The following ARMC5 variants were observed in gnomAD, a reference collection of about 807,000 sequenced individuals.
ARMC5 encodes the protein armadillo repeat-containing protein 5.
Under a neutral mutation model 60.5 loss-of-function variants are expected in ARMC5, and 28 were observed. That is an observed-to-expected ratio of 0.46 (90% CI 0.34 to 0.63). ARMC5 has a LOEUF of 0.63. Among genes scored for constraint, ARMC5 ranks in the 30% least tolerant of loss-of-function variants. The pLI is 0.01. For synonymous variants in ARMC5, 680 were observed against 607.3 expected, an observed-to-expected ratio of 1.12 and a Z score of -1.76; for missense variants, 1,189 against 1,304.9, an observed-to-expected ratio of 0.91 and a Z score of 1.37.
intron 4 of ARMC5, chr16:31,465,562 T>C: frequency 1.7e-6 from 2 of 1,148,738 alleles, no homozygotes; most frequent in Non-Finnish European, 2.3e-6. Flanking sequence ...TCTTGTTTTA[T>C]ATTGTATTAT....
At chr16:31,461,782 A>T in intron 1 of ARMC5, 140 bp from the exon 2 acceptor site, 1 of 713,692 alleles carries the variant, frequency 1.4e-6, no homozygotes, top group Non-Finnish European at 2.4e-6. Flanking sequence ...TGCTAGGATT[A>T]CAGGCTTGAG....
At chr16:31,459,207 G>C (rs1004503410), upstream of ARMC5, 36 of 1,531,444 alleles carry the variant, frequency 2.4e-5, no homozygotes, top group Non-Finnish European at 4.4e-6. Flanking sequence ...CTTCTGGGCT[G>C]TTCGGAGGCC....
Position 31,462,446 on chromosome 16 carries a change from G to A in ARMC5, c.899G>A (p.Gly300Glu), listed in dbSNP as rs1259557673. ...CACCCCAAGCGGGCAGTACGCGAGG[G>A]AACCATTCTGATCCTCGCCAACCTG... Reference protein sequence around the residue: ...ASHPKRAVREGTILILANLCA... With the variant: ...ASHPKRAVREETILILANLCA... The change falls in exon 3 of 6, where the codon GGA (glycine) becomes GAA (glutamate). Residue 300 changes from glycine to glutamate, a missense_variant. Around this residue, in one of 2 missense-constraint regions of ARMC5, gnomAD observed 862 missense variants for 1,071.2 expected, o/e 0.80. Transcript: ENST00000268314. The surrounding 1 kb of genome is among the most constrained non-coding windows in gnomAD (Gnocchi z 7.2). 3.1e-6 allele frequency: 5 copies of A among 1,612,684 alleles called. No individual in the cohort carries two copies. The highest frequency in any genetic ancestry group is 4.2e-6 in the Non-Finnish European group (5 of 1,179,638).
chr16:31,459,235 C>A, upstream of ARMC5: 2 of 1,532,592 alleles, frequency 1.3e-6, no homozygotes, highest in South Asian at 1.2e-5. Flanking sequence ...ACCTGGAGGG[C>A]CCTGGAAGAG....
In ARMC5 at chr16:31,465,892, C is replaced by T. The variant is rs1357030097; in HGVS notation, c.1907C>T (p.Pro636Leu). The part of the protein sequence containing the change: ...LQNLTVQAES[P>L]FGVGALTHLL... ...AACCTGACGGTTCAGGCTGAGTCGCCCTTTGGGGTTGGGGCCCTGACGCAC... is the reference window on the plus strand; with the variant it reads ...AACCTGACGGTTCAGGCTGAGTCGCTCTTTGGGGTTGGGGCCCTGACGCAC... Residue 636 changes from proline to leucine, a missense_variant, in exon 5 of 6, where the codon CCC becomes CTC. Physicochemically the swap from Pro to Leu is moderately conservative, Grantham distance 98. Coordinates refer to ENST00000268314, the MANE Select transcript of ARMC5 (RefSeq NM_001105247.2). The T allele has an allele frequency of 6.2e-7, 1 of 1,609,456 alleles. No homozygotes were observed. The highest frequency in any genetic ancestry group is 1.3e-5 in the African/African-American group (1 of 74,930).
In ARMC5 at chr16:31,464,702, G is replaced by A. The variant is rs1190527038; in HGVS notation, c.1679G>A (p.Gly560Asp). 12 of 1,598,586 alleles carry A rather than the reference G, an allele frequency of 7.5e-6. No individual in the cohort carries two copies. Among genetic ancestry groups the A allele is most frequent in the Non-Finnish European group, 1.0e-5 (12 of 1,179,114 alleles). Residue 560 changes from glycine to aspartate, a missense_variant, in exon 4 of 6, where the codon GGC becomes GAC. Coordinates refer to ENST00000268314, the MANE Select transcript of ARMC5 (RefSeq NM_001105247.2). The surrounding 1 kb of genome is among the most constrained non-coding windows in gnomAD (Gnocchi z 7.6). ...CTGACCTATGTGACCGGCGCACCGG[G>A]CCCGCCCAGCCCACGTGCACTGCGC... ...GLLTYVTGAP[G>D]PPSPRALRIL...
upstream of ARMC5, chr16:31,458,970 G>T (rs1227028807): frequency 6.5e-7 from 1 of 1,535,602 alleles, no homozygotes; most frequent in East Asian, 2.4e-5. Flanking sequence ...GGCAGCGAAC[G>T]TTCTCGGTAG....
chr16:31,459,729 C>A lies in ARMC5; in HGVS notation c.205C>A (p.Pro69Thr). Reference sequence around the variant, plus strand: ...CTTCCGGGCACGCGGCGGGCTCCGCCCCCTACTCGCGCTGCTACGGCGAGC... The same window carrying A: ...CTTCCGGGCACGCGGCGGGCTCCGCACCCTACTCGCGCTGCTACGGCGAGC... ...ERFRARGGLRPLLALLRRAAA... is the reference protein window; with the variant it reads ...ERFRARGGLRTLLALLRRAAA... The change falls in exon 1 of 6, where the codon CCC (proline) becomes ACC (threonine). Residue 69 changes from proline (P) to threonine (T), a missense_variant. By Grantham distance (38) the Pro-to-Thr change is conservative. This residue lies in a region of ARMC5 where 327 missense variants were observed against 233.7 expected (regional missense o/e 1.40). Coordinates refer to ENST00000268314, the MANE Select transcript of ARMC5 (RefSeq NM_001105247.2). 1 of 1,554,678 alleles carries A rather than the reference C, an allele frequency of 6.4e-7. No individual in the cohort carries two copies. Among genetic ancestry groups the A allele is most frequent in the South Asian group, 1.2e-5 (1 of 85,196 alleles).
rs753871015 is a variant in ARMC5, at chr16:31,465,965, C to G, written c.1980C>G (p.Thr660=). ...SPEDRVACAL[T]LPFICRKPSL... is the part of the protein sequence containing the mutation. ...AGGACCGAGTGGCCTGCGCGCTGAC[C>G]CTGCCCTTCATCTGCCGGTGAGTGG... Residue 660 remains threonine (T), a synonymous_variant, in exon 5 of 6, where the codon ACC becomes ACG. Transcript: ENST00000268314. 1.2e-6 allele frequency: 2 copies of G among 1,604,208 alleles called. No individual in the cohort carries two copies. Among genetic ancestry groups the G allele is most frequent in the South Asian group, 2.2e-5 (2 of 91,048 alleles).
chr16:31,459,831 C>CCCGCCCCCGCGTCGGGCCCCG lies in ARMC5; in HGVS notation c.310_330dup (p.Ala104_Ala110dup). 2 of 1,562,140 alleles carry CCCGCCCCCGCGTCGGGCCCCG rather than the reference C, an allele frequency of 1.3e-6. No homozygotes were observed. Among genetic ancestry groups the CCCGCCCCCGCGTCGGGCCCCG allele is most frequent in the Non-Finnish European group, 1.7e-6 (2 of 1,160,406 alleles). The stretch of plus-strand genomic sequence containing the variant: ...GTCGGCCGCGTCGGGAGCTTCTAGC[C>CCCGCCCCCGCGTCGGGCCCCG]CCGCCCCCGCGTCGGGCCCCGCCCC... On this transcript the variant is annotated inframe_insertion, in exon 1 of 6. Transcript: ENST00000268314.
chr16:31,464,794 C>A lies in ARMC5; in HGVS notation c.1771C>A (p.Leu591Met). 1 of 1,598,548 alleles carries A rather than the reference C, an allele frequency of 6.3e-7. No individual in the cohort carries two copies. Among genetic ancestry groups the A allele is most frequent in the Non-Finnish European group, 8.5e-7 (1 of 1,178,876 alleles). ...CTTCGTGCGCAGCTATGGCGCGGCG[C>A]TGCTGCGGGCCTGGCTGGTGCTGGG... ...EAFVRSYGAA[L>M]LRAWLVLGVA... is the part of the protein sequence containing the mutation. Residue 591 changes from leucine (L) to methionine (M), a missense_variant, in exon 4 of 6, where the codon CTG (leucine) becomes ATG (methionine). This residue lies in a region of ARMC5 where 862 missense variants were observed against 1,071.2 expected (regional missense o/e 0.80). Coordinates refer to ENST00000268314, the MANE Select transcript of ARMC5 (RefSeq NM_001105247.2). The surrounding 1 kb of genome is among the most constrained non-coding windows in gnomAD (Gnocchi z 7.6).
upstream of ARMC5, chr16:31,458,885 G>C: frequency 2.6e-6 from 4 of 1,535,676 alleles, no homozygotes; most frequent in East Asian, 2.4e-5. Flanking sequence ...AGCACGTCCA[G>C]AGCGGAGGAC....
intron 4 of ARMC5, chr16:31,465,331 C>A: frequency 1.4e-6 from 2 of 1,417,054 alleles, no homozygotes; most frequent in African/African-American, 1.4e-5. Context: ...ACCAAGGAGC[C>A]CTTCTGCTGG....
Position 31,466,950 on chromosome 16 carries a change from G to A in ARMC5, c.*61G>A. On this transcript the variant is annotated 3_prime_UTR_variant, in exon 6 of 6. Transcript: ENST00000268314. The surrounding 1 kb of genome is among the most constrained non-coding windows in gnomAD (Gnocchi z 8.0). The stretch of plus-strand genomic sequence containing the variant: ...GAATTGGCTGTGAAGGATCCTCCCT[G>A]AGACTGGCAAGGGAGGAGGCTGAGC... The A allele has an allele frequency of 6.9e-7, 1 of 1,443,550 alleles. No homozygotes were observed. Among genetic ancestry groups the A allele is most frequent in the South Asian group, 1.5e-5 (1 of 67,124 alleles). The allele number at this position is 1,443,550 out of a possible 1,614,324, so 89.4% of individuals were successfully genotyped here. A position where few individuals can be genotyped will look rare whatever the true frequency, so the allele number is the denominator to read the frequency against.
rs2082328656 is a variant in ARMC5 at position 31,464,176 on chromosome 16, G to A, written c.1371-218G>A. ...TGTGGTGCACACAGCTGTAGTGCCA[G>A]CTACTTGGGAGGCTGAGGTGGGAGG... On this transcript the variant is annotated intron_variant, in intron 3 of 5. Transcript: ENST00000268314. The surrounding 1 kb of genome is among the most constrained non-coding windows in gnomAD (Gnocchi z 7.6). Among the ~76,000 whole-genome samples, 1 of 151,800 alleles carries A rather than the reference G, an allele frequency of 6.6e-6. No homozygotes were observed. The highest frequency in any genetic ancestry group is 1.5e-5 in the Non-Finnish European group (1 of 67,982).
upstream of ARMC5, chr16:31,458,356 G>C (rs1263486356): frequency 1.3e-5 from 20 of 1,519,864 alleles, no homozygotes; most frequent in Non-Finnish European, 1.7e-5. Context: ...AGCTGACGCT[G>C]AAAGTCTTAC....
In ARMC5 at chr16:31,462,594, G is replaced by A; in HGVS notation, c.1047G>A (p.Val349=). The part of the protein sequence containing the change: ...GASPTSQQPL[V]RAVCLLCREA... ...GCCCAACCTCCCAGCAGCCCCTGGT[G>A]CGGGCTGTGTGCCTCCTATGTCGTG... The change falls in exon 3 of 6, where the codon GTG becomes GTA. Residue 349 remains valine, a synonymous_variant. Coordinates refer to ENST00000268314, the MANE Select transcript of ARMC5 (RefSeq NM_001105247.2). The surrounding 1 kb of genome is among the most constrained non-coding windows in gnomAD (Gnocchi z 7.2). 6 of 1,613,088 alleles carry A rather than the reference G, an allele frequency of 3.7e-6. No homozygotes were observed. Among genetic ancestry groups the A allele is most frequent in the Non-Finnish European group, 5.1e-6 (6 of 1,180,012 alleles).
chr16:31,462,492 G>A lies in ARMC5; in HGVS notation c.945G>A (p.Arg315=). 1.2e-6 allele frequency: 2 copies of A among 1,611,960 alleles called. No individual in the cohort carries two copies. The highest frequency in any genetic ancestry group is 1.3e-5 in the African/African-American group (1 of 75,074). ...LANLCAQGLI[R]PALGNAGGVE... ...ACCTGTGTGCCCAGGGCCTGATTCG[G>A]CCTGCACTGGGCAATGCTGGTGGCG... Residue 315 remains arginine (R), a synonymous_variant, in exon 3 of 6, where the codon CGG becomes CGA. Coordinates refer to ENST00000268314, the MANE Select transcript of ARMC5 (RefSeq NM_001105247.2). The surrounding 1 kb of genome is among the most constrained non-coding windows in gnomAD (Gnocchi z 7.2).
chr16:31,466,241 C>A lies in ARMC5; in HGVS notation c.2160C>A (p.Val720=), dbSNP rs1157414768. ...DLVSPTVSPA[V]PQAVPMDLDS... ...TGTCTCCCACTGTGAGCCCAGCTGT[C>A]CCACAGGCAGTCCCCATGGACCTAG... The change falls in exon 6 of 6, where the codon GTC becomes GTA. Residue 720 remains valine, a synonymous_variant. Transcript: ENST00000268314. The surrounding 1 kb of genome is among the most constrained non-coding windows in gnomAD (Gnocchi z 8.0). The A allele has an allele frequency of 1.2e-6, 2 of 1,613,856 alleles. No individual in the cohort carries two copies. Among genetic ancestry groups the A allele is most frequent in the Admixed American group, 3.3e-5 (2 of 60,026 alleles).
Sources: allele counts gnomAD v4.1 joint callset (sites outside exome capture counted in the v4.1 genomes callset), GRCh38; gene constraint gnomAD v4.1.1; regional missense constraint gnomAD v4.1.1; non-coding constraint Gnocchi (gnomAD v3.1); transcripts MANE v1.5; gene names NCBI Gene and HGNC (gene_info 2026-07-23, HGNC 2026-07-21).